Variants in IDH1 observed in about 807,000 individuals in gnomAD.
The protein encoded by IDH1 is isocitrate dehydrogenase (NADP(+)) 1, also known as isocitrate dehydrogenase [NADP] cytoplasmic.
In IDH1, 33 loss-of-function variants were observed where a neutral mutation model predicts 46.1. The observed-to-expected ratio is 0.72, with a 90% CI of 0.54 to 0.96. The LOEUF (loss-of-function observed/expected upper bound fraction) is 0.96, where lower values mean the gene tolerates loss of function less well. IDH1 is among the 40% of genes least tolerant of loss of function. The probability of loss-of-function intolerance (pLI) is 0.00; values close to 1 mark genes in which losing one functional copy is unlikely to be tolerated. For missense variants in IDH1, 421 were observed against 515.7 expected (o/e 0.82, Z 1.78); for synonymous variants, 144 against 172.8 (o/e 0.83, Z 1.31).
At chr2:208,237,246 G>T (rs749780679) in intron 9 of IDH1, 77 bp from the exon 10 acceptor site, 7 of 765,098 alleles carry the variant, frequency 9.1e-6, no homozygotes, top group Non-Finnish European at 1.6e-5. Context: ...TCCTAGAAAT[G>T]CTACTTAAAA....
chr2:208,239,608 G>A (rs1687880144), intron 8 of IDH1, among the ~76,000 whole-genome samples: 1 of 152,184 alleles, frequency 6.6e-6, no homozygotes, highest in Non-Finnish European at 1.5e-5. Context: ...GTAGCCTTAT[G>A]TGACATTTCA....
chr2:208,242,512 T>G (rs1687939548), intron 6 of IDH1, among the ~76,000 whole-genome samples: 1 of 152,248 alleles, frequency 6.6e-6, no homozygotes, highest in Non-Finnish European at 1.5e-5. Flanking sequence ...GTTCTACTTC[T>G]TGGTGTCATT....
chr2:208,248,158 T>C, intron 4 of IDH1: 3 of 590,722 alleles, frequency 5.1e-6, no homozygotes, highest in Non-Finnish European at 6.0e-6. Flanking sequence ...AAAAATGTGT[T>C]GAGATGGACG....
At position 208,237,041 on chromosome 2, in the gene IDH1, A is replaced by T; in HGVS notation, c.*38T>A. On this transcript the variant is annotated 3_prime_UTR_variant, in exon 10 of 10. Transcript: ENST00000345146. Reference sequence around the variant, plus strand: ...AAAATGTAAACCTGTAGACCTAGTTACCAAAAGACAATTATCCTTCTTAGC... The same window carrying T: ...AAAATGTAAACCTGTAGACCTAGTTTCCAAAAGACAATTATCCTTCTTAGC... The T allele has an allele frequency of 1.8e-6, 2 of 1,142,446 alleles. No homozygotes were observed. The highest frequency in any genetic ancestry group is 2.6e-6 in the Non-Finnish European group (2 of 760,146). The allele number at this position is 1,142,446 out of a possible 1,614,324, so 70.8% of individuals were successfully genotyped here. A position where few individuals can be genotyped will look rare whatever the true frequency, so the allele number is the denominator to read the frequency against.
At chr2:208,245,281 T>TA in intron 5 of IDH1, 38 bp downstream of exon 5, 1 of 1,017,070 alleles carries the variant, frequency 9.8e-7, no homozygotes, top group Non-Finnish European at 1.5e-6. Flanking sequence ...AATCATTTGT[T>TA]TAAAAAAAAA....
chr2:208,241,043 T>C (rs1407761571), intron 7 of IDH1, among the ~76,000 whole-genome samples: 2 of 152,170 alleles, frequency 1.3e-5, no homozygotes, highest in African/African-American at 4.8e-5. Flanking sequence ...TTCAAGTTCA[T>C]ACAGCTACCA....
chr2:208,237,292 A>T, intron 9 of IDH1, 123 bp from the exon 10 acceptor site: 1 of 693,140 alleles, frequency 1.4e-6, no homozygotes, highest in African/African-American at 1.8e-5. Context: ...AAACGCATTC[A>T]TGTTAGTAAG....
chr2:208,247,090 T>G (rs772336553), intron 4 of IDH1, among the ~76,000 whole-genome samples: 14 of 152,170 alleles, frequency 9.2e-5, no homozygotes, highest in Non-Finnish European at 1.5e-5. Flanking sequence ...TCTGAAGGCT[T>G]TGGCCAGGAT....
chr2:208,250,206 TCAAAG>T (rs1688096885), intron 3 of IDH1, among the ~76,000 whole-genome samples: 1 of 152,052 alleles, frequency 6.6e-6, no homozygotes, highest in Non-Finnish European at 1.5e-5. Flanking sequence ...CTAAAGAGGC[TCAAAG>T]CATCTTTAGT....
At chr2:208,245,464 C>A (rs746329143) in intron 4 of IDH1, 40 bp from the exon 5 acceptor site, 48 of 1,091,244 alleles carry the variant, frequency 4.4e-5, no homozygotes, top group Non-Finnish European at 6.2e-5. Flanking sequence ...AAAAAAAATA[C>A]CCTAGCAGGA....
chr2:208,240,132 T>C (rs1559359230), intron 7 of IDH1, 129 bp from the exon 8 acceptor site: 2 of 936,628 alleles, frequency 2.1e-6, no homozygotes, highest in East Asian at 2.6e-5. Context: ...GCACATGGAA[T>C]CACCAATAAT....
chr2:208,237,001 T>C lies in IDH1; in HGVS notation c.*78A>G. 1.3e-6 allele frequency: 1 copy of C among 790,822 alleles called. No homozygotes were observed. Among genetic ancestry groups the C allele is most frequent in the South Asian group, 1.5e-5 (1 of 66,060 alleles). The allele number at this position is 790,822 out of a possible 1,614,324, so 49.0% of individuals were successfully genotyped here. A position where few individuals can be genotyped will look rare whatever the true frequency, so the allele number is the denominator to read the frequency against. ...ACAAAATTGATTTTGCCTTTATCCT[T>C]GAGTGTAACACAGAAAAATGTAAAC... On this transcript the variant is annotated 3_prime_UTR_variant, in exon 10 of 10. Coordinates refer to ENST00000345146, the MANE Select transcript of IDH1 (RefSeq NM_005896.4).
chr2:208,239,005 G>C, intron 9 of IDH1, 66 bp downstream of exon 9: 1 of 1,356,392 alleles, frequency 7.4e-7, no homozygotes, highest in Non-Finnish European at 1.1e-6. Flanking sequence ...AGAAAGCACC[G>C]ATGCTCTGAG....
intron 7 of IDH1, among the ~76,000 whole-genome samples, chr2:208,241,365 T>C (rs183880172): frequency 5.4e-4 from 81 of 151,314 alleles, no homozygotes; most frequent in Non-Finnish European, 1.2e-4. Flanking sequence ...CCAGGGACTA[T>C]AGGCATGCGA....
At chr2:208,247,375 A>G (rs1411882041) in intron 4 of IDH1, 1 of 152,216 alleles carries the variant, frequency 6.6e-6, no homozygotes, top group Middle Eastern at 3.2e-3. Flanking sequence ...TAAAGAAGCA[A>G]TACTTTTTTT....
At chr2:208,245,219 TA>T in intron 5 of IDH1, 99 bp downstream of exon 5, 4 of 729,418 alleles carry the variant, frequency 5.5e-6, no homozygotes, top group Non-Finnish European at 9.5e-6. Context: ...ATTCAGATTA[TA>T]TTTTTAGGCA....
chr2:208,245,476 T>G (rs2124857944), intron 4 of IDH1, 52 bp from the exon 5 acceptor site: 1 of 988,348 alleles, frequency 1.0e-6, no homozygotes, highest in Non-Finnish European at 1.6e-6. Context: ...CTAGCAGGAA[T>G]TGTAAGGAGA....
intron 8 of IDH1, 97 bp from the exon 9 acceptor site, chr2:208,239,330 T>C: frequency 7.7e-7 from 1 of 1,291,778 alleles, no homozygotes; most frequent in Admixed American, 2.0e-5. Context: ...GTTTTTTGTT[T>C]AGGTGACAGA....
intron 3 of IDH1, 106 bp from the exon 4 acceptor site, chr2:208,248,766 C>CT: frequency 9.5e-7 from 1 of 1,047,606 alleles, no homozygotes; most frequent in Non-Finnish European, 1.4e-6. Flanking sequence ...AGCGAAGGCT[C>CT]TGAGTACACC....
Sources: allele counts gnomAD v4.1 joint callset (sites outside exome capture counted in the v4.1 genomes callset), GRCh38; gene constraint gnomAD v4.1.1; transcripts MANE v1.5; gene names NCBI Gene and HGNC (gene_info 2026-07-23, HGNC 2026-07-21).